Variants in PLEKHG4B observed in about 807,000 individuals in gnomAD.
The protein encoded by PLEKHG4B is pleckstrin homology and RhoGEF domain containing G4B, also known as pleckstrin homology domain-containing family G member 4B.
A neutral mutation model predicts 121.3 loss-of-function variants in PLEKHG4B; 111 were observed. The ratio of observed to expected loss-of-function variants is 0.92; its 90% CI spans 0.78 to 1.07. The LOEUF is 1.07. Among genes scored for constraint, PLEKHG4B ranks in the 50% least tolerant of loss-of-function variants. The probability of loss-of-function intolerance (pLI) is 0.00; values close to 1 mark genes in which losing one functional copy is unlikely to be tolerated. For missense variants in PLEKHG4B, 1,831 were observed against 1,757.8 expected (o/e 1.04, Z -0.74); for synonymous variants, 738 against 725.0 (o/e 1.02, Z -0.29).
intron 2 of PLEKHG4B, among the ~76,000 whole-genome samples, chr5:119,145 C>T (rs1439128435): frequency 1.3e-5 from 2 of 152,068 alleles, no homozygotes; most frequent in African/African-American, 2.4e-5. Context: ...CAGGTGTGCG[C>T]CACCATGCCC....
intron 6 of PLEKHG4B, among the ~76,000 whole-genome samples, chr5:150,715 C>T (rs1027188040): frequency 1.3e-5 from 2 of 152,028 alleles, no homozygotes; most frequent in African/African-American, 4.8e-5. Flanking sequence ...CAACTGAAAA[C>T]CAAAATGAAA....
intron 17 of PLEKHG4B, among the ~76,000 whole-genome samples, 182 bp from the exon 18 acceptor site, chr5:173,736 G>T (rs2066453754): frequency 6.6e-6 from 1 of 151,892 alleles, no homozygotes; most frequent in African/African-American, 2.4e-5. Context: ...CACTCTCCCT[G>T]GCACGGTCAC....
At chr5:170,127 T>C (rs1194666193) in intron 14 of PLEKHG4B, among the ~76,000 whole-genome samples, 6 of 152,202 alleles carry the variant, frequency 3.9e-5, no homozygotes, top group African/African-American at 1.4e-4. Context: ...ATCTCTCTGT[T>C]TGAGAGTCTT....
chr5:94,225 G>A (rs1258747679), intron 1 of PLEKHG4B, among the ~76,000 whole-genome samples: 2 of 152,220 alleles, frequency 1.3e-5, no homozygotes, highest in African/African-American at 4.8e-5. Context: ...TACAGCATCA[G>A]TGCTTCTGTG....
In PLEKHG4B at chr5:159,629, G is replaced by A. The variant is rs1350120092; in HGVS notation, c.2488-2154G>A. ...CACAGTCTGTGGCTTCTGTGGGTTTGTTCTGGCGCCAGAGGCTTTCCTGGC... is the reference window on the plus strand; with the variant it reads ...CACAGTCTGTGGCTTCTGTGGGTTTATTCTGGCGCCAGAGGCTTTCCTGGC... On this transcript the variant is annotated intron_variant, in intron 11 of 19. Coordinates refer to ENST00000637938, the MANE Select transcript of PLEKHG4B (RefSeq NM_052909.5). The surrounding 1 kb of genome is among the most constrained non-coding windows in gnomAD (Gnocchi z 5.5). 6.6e-6 allele frequency among the ~76,000 whole-genome samples: 1 copy of A among 152,168 alleles called. No individual in the cohort carries two copies. The highest frequency in any genetic ancestry group is 2.4e-5 in the African/African-American group (1 of 41,440).
rs959588186 is a variant in PLEKHG4B at position 125,360 on chromosome 5, A to G, written c.243+11912A>G. Among the ~76,000 whole-genome samples the G allele has an allele frequency of 7.7e-4, 117 of 152,066 alleles. 2 individuals are homozygous for G. Among genetic ancestry groups the G allele is most frequent in the African/African-American group, 2.8e-3 (115 of 41,468 alleles). ...TTCCTTTTGTGTACATTCTATAGCT[A>G]TTTTCCTTTTGATTACCATGGGGAT... is the stretch of plus-strand genomic sequence containing the variant. On this transcript the variant is annotated intron_variant, in intron 2 of 19. Transcript: ENST00000637938.
intron 18 of PLEKHG4B, among the ~76,000 whole-genome samples, chr5:180,325 A>C (rs1399707219): frequency 6.6e-6 from 1 of 152,148 alleles, no homozygotes; most frequent in Non-Finnish European, 1.5e-5. Flanking sequence ...GGCAAAGTCC[A>C]TGCTCCCTTT....
At chr5:175,019 C>T (rs1736712079) in intron 18 of PLEKHG4B, among the ~76,000 whole-genome samples, 1 of 152,140 alleles carries the variant, frequency 6.6e-6, no homozygotes, top group African/African-American at 2.4e-5. Context: ...CAGCACTTGA[C>T]AAGAAAGCTC....
chr5:119,958 C>T (rs1214917515), intron 2 of PLEKHG4B, among the ~76,000 whole-genome samples: 14 of 152,200 alleles, frequency 9.2e-5, no homozygotes, highest in Non-Finnish European at 2.1e-4. Context: ...CTCATAGTCA[C>T]ATGGGCTGGG....
chr5:102,764 C>T (rs1733860632), intron 1 of PLEKHG4B, among the ~76,000 whole-genome samples: 1 of 152,194 alleles, frequency 6.6e-6, no homozygotes, highest in Admixed American at 6.5e-5. Flanking sequence ...CTAATACAGA[C>T]AGCACCAACA....
At chr5:101,721 C>T (rs376315926) in intron 1 of PLEKHG4B, among the ~76,000 whole-genome samples, 1,714 of 80,176 alleles carry the variant, frequency 0.021, no homozygotes, top group African/African-American at 0.041. Context: ...CTGGAAAAAG[C>T]CTGTAGGGGA....
chr5:165,802 G>T (rs1289609968), intron 13 of PLEKHG4B, among the ~76,000 whole-genome samples: 1 of 17,080 alleles, frequency 5.9e-5, no homozygotes, highest in Non-Finnish European at 1.4e-4. Flanking sequence ...TCACACTAAT[G>T]CTCTGATGGG....
chr5:148,248 G>A (rs1442558440), intron 6 of PLEKHG4B, among the ~76,000 whole-genome samples: 1 of 151,458 alleles, frequency 6.6e-6, no homozygotes, highest in Non-Finnish European at 1.5e-5. Context: ...AGTGGGGGGT[G>A]GGGGAGAAGA....
In PLEKHG4B at chr5:137,058, C is replaced by T. The variant is rs188591291; in HGVS notation, c.244-2425C>T. On this transcript the variant is annotated intron_variant, in intron 2 of 19. Transcript: ENST00000637938. The surrounding 1 kb of genome is among the most constrained non-coding windows in gnomAD (Gnocchi z 4.2). ...TGGATAGCAAAATATAGTATGTACA[C>T]GCAATGGAAGATTATGCAACCCTCA... Among the ~76,000 whole-genome samples the T allele has an allele frequency of 3.3e-5, 5 of 152,264 alleles. No homozygotes were observed. The highest frequency in any genetic ancestry group is 6.5e-5 in the Admixed American group (1 of 15,286).
intron 2 of PLEKHG4B, among the ~76,000 whole-genome samples, chr5:136,586 G>C (rs1358646976): frequency 1.3e-5 from 2 of 152,122 alleles, no homozygotes; most frequent in Non-Finnish European, 2.9e-5. Context: ...AATCAGGAGG[G>C]AAACACAAAT....
In PLEKHG4B at chr5:171,087, G is replaced by T; in HGVS notation, c.3774G>T (p.Pro1258=). 36 of 1,613,308 alleles carry T rather than the reference G, an allele frequency of 2.2e-5. No individual in the cohort carries two copies. Among genetic ancestry groups the T allele is most frequent in the Non-Finnish European group, 3.1e-5 (36 of 1,179,826 alleles). The change falls in exon 15 of 20, where the codon CCG becomes CCT. Residue 1258 remains proline, a synonymous_variant. Coordinates refer to ENST00000637938, the MANE Select transcript of PLEKHG4B (RefSeq NM_052909.5). ...GMYVIYSKNK[P]QSDALLSSHG... is the part of the protein sequence containing the mutation. Reference sequence around the variant, plus strand: ...ACGTGATCTACAGCAAAAACAAGCCGCAGTCGGATGCCCTGCTCAGCAGCC... The same window carrying T: ...ACGTGATCTACAGCAAAAACAAGCCTCAGTCGGATGCCCTGCTCAGCAGCC...
At chr5:144,559 G>A (rs779797426) in intron 5 of PLEKHG4B, among the ~76,000 whole-genome samples, 4 of 152,208 alleles carry the variant, frequency 2.6e-5, no homozygotes, top group Non-Finnish European at 5.9e-5. Flanking sequence ...CAGGAGCATT[G>A]GTGGGTGTTT....
chr5:112,724 ATGTATTTGC>A (rs935990195), intron 1 of PLEKHG4B, among the ~76,000 whole-genome samples: 15 of 152,186 alleles, frequency 9.9e-5, no homozygotes, highest in Non-Finnish European at 4.4e-5. Context: ...CACAATTAAA[ATGTATTTGC>A]TGTGGGATGA....
Position 187,036 on chromosome 5 carries a change from G to C in PLEKHG4B, c.*4713G>C, listed in dbSNP as rs2126477057. 6.6e-6 allele frequency: 1 copy of C among 152,416 alleles called. No individual in the cohort carries two copies. Among genetic ancestry groups the C allele is most frequent in the South Asian group, 2.1e-4 (1 of 4,824 alleles). The allele number at this position is 152,416 out of a possible 1,614,324, so 9.4% of individuals were successfully genotyped here. ...CTGGGACTGTGCTTGGACAAGGTTG[G>C]GGCTCCCGCAGTGAGCTCTAGCCCT... On this transcript the variant is annotated 3_prime_UTR_variant, in exon 20 of 20. Transcript: ENST00000637938.
Sources: allele counts gnomAD v4.1 joint callset (sites outside exome capture counted in the v4.1 genomes callset), GRCh38; gene constraint gnomAD v4.1.1; non-coding constraint Gnocchi (gnomAD v3.1); transcripts MANE v1.5; gene names NCBI Gene and HGNC (gene_info 2026-07-23, HGNC 2026-07-21).